The following GLI2 variants were observed in gnomAD, a reference collection of about 807,000 sequenced individuals.
GLI2 encodes the protein transcription activator GLI2.
Under a neutral mutation model 78.9 loss-of-function variants are expected in GLI2, and 22 were observed. That is an observed-to-expected ratio of 0.28 (90% CI 0.20 to 0.40). The LOEUF (loss-of-function observed/expected upper bound fraction) is 0.40, where lower values mean the gene tolerates loss of function less well. Among genes scored for constraint, GLI2 ranks in the 10% least tolerant of loss-of-function variants. GLI2 has a pLI of 1.00. For missense variants in GLI2, 2,097 were observed against 2,213.2 expected (o/e 0.95, Z 1.05); for synonymous variants, 974 against 963.7 (o/e 1.01, Z -0.20).
intron 2 of GLI2, among the ~76,000 whole-genome samples, chr2:120,832,031 AG>A (rs1686387135): frequency 2.0e-5 from 3 of 152,226 alleles, no homozygotes; most frequent in Admixed American, 2.0e-4. Flanking sequence ...TCTTTCAATC[AG>A]CAGTAAACAC....
chr2:120,781,635 C>G (rs1337548210), intron 1 of GLI2, among the ~76,000 whole-genome samples: 1 of 152,212 alleles, frequency 6.6e-6, no homozygotes, highest in Non-Finnish European at 1.5e-5. Flanking sequence ...GTAATCCCAG[C>G]ACTTTGGGAG....
At chr2:120,826,042 G>C (rs535482249) in intron 2 of GLI2, among the ~76,000 whole-genome samples, 2 of 152,306 alleles carry the variant, frequency 1.3e-5, no homozygotes, top group South Asian at 4.1e-4. Flanking sequence ...GCCTGGTGAC[G>C]GCCGCCTTTG....
At chr2:120,896,952 A>G (rs1274458589) in intron 2 of GLI2, among the ~76,000 whole-genome samples, 1 of 152,244 alleles carries the variant, frequency 6.6e-6, no homozygotes, top group Non-Finnish European at 1.5e-5. Flanking sequence ...ATCATGAAAT[A>G]GAAATTAACA....
chr2:120,767,116 C>T (rs767224487), intron 1 of GLI2, among the ~76,000 whole-genome samples: 2 of 152,240 alleles, frequency 1.3e-5, no homozygotes, highest in South Asian at 2.1e-4. Flanking sequence ...CTCTAACCGA[C>T]CTCTACGTAA....
intron 5 of GLI2, among the ~76,000 whole-genome samples, chr2:120,962,024 G>A (rs1245689884): frequency 6.6e-6 from 1 of 152,124 alleles, no homozygotes; most frequent in Non-Finnish European, 1.5e-5. Context: ...CACAGGCCGT[G>A]GGGGGATCCC....
At position 120,737,295 on chromosome 2, in the gene GLI2, G is replaced by T. The variant is rs1004816255; in HGVS notation, c.-31+1010G>T. On this transcript the variant is annotated intron_variant, in intron 1 of 13. Coordinates refer to ENST00000361492, the MANE Select transcript of GLI2 (RefSeq NM_001374353.1). This position sits in a 1 kb window ranked among gnomAD's most constrained non-coding sequence, Gnocchi z 4.3. ...ACCCAGCTCGGCGCCTTTTCAGCCCGGCGGTAACTGCTGTCATTTCCTAGG... is the reference window on the plus strand; with the variant it reads ...ACCCAGCTCGGCGCCTTTTCAGCCCTGCGGTAACTGCTGTCATTTCCTAGG... Among the ~76,000 whole-genome samples, 2 of 151,896 alleles carry T rather than the reference G, an allele frequency of 1.3e-5. No individual in the cohort carries two copies. Among genetic ancestry groups the T allele is most frequent in the African/African-American group, 2.4e-5 (1 of 41,344 alleles).
intron 1 of GLI2, among the ~76,000 whole-genome samples, chr2:120,761,440 C>T (rs1207990147): frequency 6.6e-6 from 1 of 152,186 alleles, no homozygotes; most frequent in Non-Finnish European, 1.5e-5. Context: ...TATGGCCCAG[C>T]CCAGGGGGTG....
chr2:120,798,271 G>A (rs367611742), intron 2 of GLI2, among the ~76,000 whole-genome samples: 19 of 152,358 alleles, frequency 1.2e-4, no homozygotes, highest in East Asian at 3.9e-4. Context: ...CTTGGGCAGC[G>A]CCCCTCACAC....
Position 120,748,032 on chromosome 2 carries a change from C to T in GLI2, c.-31+11747C>T, listed in dbSNP as rs975008286. Among the ~76,000 whole-genome samples the T allele has an allele frequency of 4.6e-5, 7 of 152,306 alleles. No homozygotes were observed. In the East Asian group the frequency reaches 5.8e-4, roughly 13 times the overall value. On this transcript the variant is annotated intron_variant, in intron 1 of 13. Coordinates refer to ENST00000361492, the MANE Select transcript of GLI2 (RefSeq NM_001374353.1). ...CACCTTGCTAACTTGGTTACGGAGC[C>T]GGCAGTCTCCGAAATCCCAGCAGGT...
chr2:120,892,036 C>G (rs1310708097), intron 2 of GLI2, among the ~76,000 whole-genome samples: 1 of 152,088 alleles, frequency 6.6e-6, no homozygotes, highest in African/African-American at 2.4e-5. Flanking sequence ...TTGTGGTCAC[C>G]ACCTTGGACT....
chr2:120,738,686 A>G (rs1307678117), intron 1 of GLI2, among the ~76,000 whole-genome samples: 2 of 152,212 alleles, frequency 1.3e-5, no homozygotes, highest in Admixed American at 1.3e-4. Context: ...ATAGGTAGAA[A>G]GAATTAGAAT....
chr2:120,771,112 G>C (rs1039815273), intron 1 of GLI2, among the ~76,000 whole-genome samples: 1 of 152,218 alleles, frequency 6.6e-6, no homozygotes, highest in Non-Finnish European at 1.5e-5. Context: ...ACCACCCTGG[G>C]GTACGTTGGT....
chr2:120,876,133 A>C (rs1688726191), intron 2 of GLI2, among the ~76,000 whole-genome samples: 1 of 152,148 alleles, frequency 6.6e-6, no homozygotes, highest in Non-Finnish European at 1.5e-5. Flanking sequence ...CGAGGTCAGG[A>C]GATGGAGACC....
intron 2 of GLI2, among the ~76,000 whole-genome samples, chr2:120,846,867 T>A (rs1687139858): frequency 6.6e-6 from 1 of 152,250 alleles, no homozygotes; most frequent in Non-Finnish European, 1.5e-5. Context: ...GGAGTGACAG[T>A]GACCGTGTCT....
chr2:120,819,607 A>G (rs1404001977), intron 2 of GLI2, among the ~76,000 whole-genome samples: 1 of 152,160 alleles, frequency 6.6e-6, no homozygotes, highest in Non-Finnish European at 1.5e-5. Flanking sequence ...AGCAGCTGAA[A>G]GCCAATGGCA....
chr2:120,959,651 G>A (rs1022102862), intron 5 of GLI2, among the ~76,000 whole-genome samples: 26 of 152,198 alleles, frequency 1.7e-4, no homozygotes, highest in African/African-American at 6.3e-4. Context: ...CAGGCGGCTC[G>A]GGCTGGACCT....
At chr2:120,893,949 A>G (rs531957166) in intron 2 of GLI2, among the ~76,000 whole-genome samples, 1 of 152,314 alleles carries the variant, frequency 6.6e-6, no homozygotes, top group Non-Finnish European at 1.5e-5. Flanking sequence ...GGCTGACAGC[A>G]GCGTGATTTA....
At chr2:120,952,236 G>T (rs1459159882) in intron 4 of GLI2, among the ~76,000 whole-genome samples, 1 of 152,202 alleles carries the variant, frequency 6.6e-6, no homozygotes, top group African/African-American at 2.4e-5. Flanking sequence ...GCCACTCATT[G>T]TCCCCATCCT....
rs550549857 is a variant in GLI2, at chr2:120,849,368, G to A, written c.148+51900G>A. Among the ~76,000 whole-genome samples the A allele has an allele frequency of 4.6e-5, 7 of 152,286 alleles. No individual in the cohort carries two copies. The East Asian group carries it at 5.8e-4, about 13-fold the overall frequency. ...ATTTTAAAAAAATTAAATGGGTGTC[G>A]TTGATTCCTCTCTTCCTCTCAACCT... On this transcript the variant is annotated intron_variant, in intron 2 of 13. Transcript: ENST00000361492.
Sources: gnomAD v4.1 joint callset for allele counts (sites outside exome capture counted in the v4.1 genomes callset) on GRCh38, gnomAD v4.1.1 for gene constraint, Gnocchi (gnomAD v3.1) non-coding constraint, MANE v1.5 for transcripts, NCBI Gene and HGNC (gene_info 2026-07-23, HGNC 2026-07-21) for gene names.